PITPNA: variants seen among roughly 807,000 people sequenced by gnomAD.
PITPNA encodes the protein phosphatidylinositol transfer protein alpha isoform.
A neutral mutation model predicts 50.3 loss-of-function variants in PITPNA; 13 were observed. The observed-to-expected ratio is 0.26, with a 90% CI of 0.17 to 0.41. The LOEUF (loss-of-function observed/expected upper bound fraction) is 0.41, where lower values mean the gene tolerates loss of function less well. Among genes scored for constraint, PITPNA ranks in the 10% least tolerant of loss-of-function variants. The pLI, the probability that PITPNA is intolerant of heterozygous loss-of-function variation, is 1.00. For missense variants in PITPNA, 207 were observed against 333.4 expected (o/e 0.62, Z 2.95); for synonymous variants, 120 against 119.6 (o/e 1.00, Z -0.02).
chr17:1,552,914 A>T, intron 3 of PITPNA, 90 bp downstream of exon 3: 1 of 1,292,522 alleles, frequency 7.7e-7, no homozygotes. Flanking sequence ...CAATTAGTAT[A>T]ATCCCATCTA....
intron 10 of PITPNA, among the ~76,000 whole-genome samples, chr17:1,522,265 G>A (rs1224474318): frequency 1.3e-5 from 2 of 150,690 alleles, no homozygotes; most frequent in South Asian, 2.1e-4. Flanking sequence ...TAGAGACGGG[G>A]TTTCACCTTG....
chr17:1,531,828 G>A (rs2075585095), intron 10 of PITPNA, among the ~76,000 whole-genome samples: 1 of 152,126 alleles, frequency 6.6e-6, no homozygotes, highest in African/African-American at 2.4e-5. Context: ...TAACTTTGAT[G>A]AAACATATAT....
chr17:1,550,420 T>C (rs561262689), intron 3 of PITPNA, among the ~76,000 whole-genome samples: 16 of 152,034 alleles, frequency 1.1e-4, no homozygotes, highest in Non-Finnish European at 1.8e-4. Flanking sequence ...AAGAGACAGA[T>C]GGGAGTGGGG....
At position 1,553,099 on chromosome 17, in the gene PITPNA, C is replaced by T. The variant is rs1166490445; in HGVS notation, c.102G>A (p.Thr34=). 4.3e-6 allele frequency: 7 copies of T among 1,613,938 alleles called. No homozygotes were observed. Among genetic ancestry groups the T allele is most frequent in the East Asian group, 2.2e-5 (1 of 44,884 alleles). The part of the protein sequence containing the change: ...YSVAEASKNE[T]GGGEGVEVLV... Reference sequence around the variant, plus strand: ...GGACCTCCACGCCTTCGCCACCACCCGTTTCATTTTTACTGGCCTCAGCCA... The same window carrying T: ...GGACCTCCACGCCTTCGCCACCACCTGTTTCATTTTTACTGGCCTCAGCCA... The change falls in exon 3 of 12, where the codon ACG becomes ACA. Residue 34 remains threonine, a synonymous_variant. Transcript: ENST00000313486.
At position 1,519,840 on chromosome 17, in the gene PITPNA, CGGGCAACAGGAGG is replaced by C. The variant is rs2075498228; in HGVS notation, c.*708_*720del. ...TTGTAGACTGCAGAGAGATTCAGAGCGGGCAACAGGAGGGCCAAGAAGCCACAGGTGTTTCTAA... is the reference window on the plus strand; with the variant it reads ...TTGTAGACTGCAGAGAGATTCAGAGCGCCAAGAAGCCACAGGTGTTTCTAA... On this transcript the variant is annotated 3_prime_UTR_variant, in exon 12 of 12. Coordinates refer to ENST00000313486, the MANE Select transcript of PITPNA (RefSeq NM_006224.4). The C allele has an allele frequency of 1.3e-5, 2 of 152,196 alleles. No individual in the cohort carries two copies. The highest frequency in any genetic ancestry group is 4.1e-4 in the South Asian group (2 of 4,834). 9.4% of individuals were successfully genotyped at this position (152,196 alleles called of 1,614,324 possible). A position where few individuals can be genotyped will look rare whatever the true frequency, so the allele number is the denominator to read the frequency against.
chr17:1,541,716 G>C, intron 5 of PITPNA, 76 bp from the exon 6 acceptor site: 2 of 906,112 alleles, frequency 2.2e-6, no homozygotes, highest in Non-Finnish European at 3.6e-6. Context: ...TACTGGAGAT[G>C]GGCATTACTG....
intron 6 of PITPNA, among the ~76,000 whole-genome samples, chr17:1,539,743 G>GT (rs1216398806): frequency 1.3e-5 from 2 of 152,236 alleles, no homozygotes; most frequent in Admixed American, 1.3e-4. Flanking sequence ...CAGCTGGATT[G>GT]TCTGTTTGTC....
intron 2 of PITPNA, among the ~76,000 whole-genome samples, chr17:1,557,947 C>A (rs927464435): frequency 2.0e-5 from 3 of 152,152 alleles, no homozygotes; most frequent in Non-Finnish European, 2.9e-5. Context: ...TAATGCGTCC[C>A]CGGCCGGGTG....
intron 10 of PITPNA, among the ~76,000 whole-genome samples, chr17:1,522,283 G>A (rs1364244328): frequency 6.6e-6 from 1 of 151,446 alleles, no homozygotes; most frequent in Non-Finnish European, 1.5e-5. Flanking sequence ...TTGTTAGCCA[G>A]GATGGTCTCG....
At chr17:1,553,832 G>C (rs887051921) in intron 2 of PITPNA, among the ~76,000 whole-genome samples, 3 of 152,086 alleles carry the variant, frequency 2.0e-5, no homozygotes, top group Non-Finnish European at 2.9e-5. Flanking sequence ...TCCTCACCCC[G>C]CAAGTAGCTC....
At chr17:1,549,263 G>GC (rs1238024354) in intron 3 of PITPNA, among the ~76,000 whole-genome samples, 2 of 139,090 alleles carry the variant, frequency 1.4e-5, no homozygotes, top group Non-Finnish European at 3.1e-5. Context: ...TAAGCCCCCT[G>GC]CTTTTTTTTT....
At chr17:1,539,648 T>A (rs1309657106) in intron 6 of PITPNA, among the ~76,000 whole-genome samples, 51 of 138,530 alleles carry the variant, frequency 3.7e-4, no homozygotes, top group East Asian at 1.5e-3. Flanking sequence ...TCCTCCTGTC[T>A]CAGCCTCCTG....
chr17:1,542,371 T>G (rs1041571271), intron 5 of PITPNA, among the ~76,000 whole-genome samples: 1 of 152,204 alleles, frequency 6.6e-6, no homozygotes, highest in African/African-American at 2.4e-5. Context: ...TCCCTCCAAC[T>G]AGCCTGTGGC....
intron 10 of PITPNA, among the ~76,000 whole-genome samples, chr17:1,526,371 C>T (rs953467210): frequency 6.6e-6 from 1 of 152,156 alleles, no homozygotes; most frequent in African/African-American, 2.4e-5. Context: ...TGGGGTGAAG[C>T]GCGTGATTCT....
chr17:1,534,769 G>A (rs986791026), intron 9 of PITPNA, among the ~76,000 whole-genome samples: 1 of 152,216 alleles, frequency 6.6e-6, no homozygotes, highest in African/African-American at 2.4e-5. Context: ...GTCATAGCAA[G>A]TCCCTTCCTG....
At chr17:1,524,267 A>G (rs982145689) in intron 10 of PITPNA, among the ~76,000 whole-genome samples, 2 of 141,068 alleles carry the variant, frequency 1.4e-5, no homozygotes, top group African/African-American at 5.3e-5. Flanking sequence ...GATGGTCTCC[A>G]TGTCCTGACC....
chr17:1,547,244 T>G (rs2075679792), intron 4 of PITPNA, among the ~76,000 whole-genome samples: 1 of 149,392 alleles, frequency 6.7e-6, no homozygotes, highest in South Asian at 2.1e-4. Context: ...CATATGCCTA[T>G]AGTCCCAGGT....
At chr17:1,550,386 T>C (rs995164959) in intron 3 of PITPNA, among the ~76,000 whole-genome samples, 7 of 151,962 alleles carry the variant, frequency 4.6e-5, no homozygotes, top group African/African-American at 1.7e-4. Flanking sequence ...AACCAACACA[T>C]GGGACAATGA....
At chr17:1,527,605 A>G (rs1380922008) in intron 10 of PITPNA, among the ~76,000 whole-genome samples, 3 of 152,168 alleles carry the variant, frequency 2.0e-5, no homozygotes, top group Non-Finnish European at 4.4e-5. Context: ...CTGAAACAAG[A>G]AGACTTTTAT....
Sources: gnomAD v4.1 joint callset for allele counts (sites outside exome capture counted in the v4.1 genomes callset) on GRCh38, gnomAD v4.1.1 for gene constraint, MANE v1.5 for transcripts, NCBI Gene and HGNC (gene_info 2026-07-23, HGNC 2026-07-21) for gene names.